TMC5: variants seen among roughly 807,000 people sequenced by gnomAD.
The protein encoded by TMC5 is transmembrane channel like 5.
In TMC5, 86 loss-of-function variants were observed where a neutral mutation model predicts 110.5. The ratio of observed to expected loss-of-function variants is 0.78; its 90% CI spans 0.65 to 0.93. The LOEUF (loss-of-function observed/expected upper bound fraction) is 0.93, where lower values mean the gene tolerates loss of function less well. Among genes scored for constraint, TMC5 ranks in the 40% least tolerant of loss-of-function variants. TMC5 has a pLI of 0.00. For synonymous variants in TMC5, 455 were observed against 439.5 expected, an observed-to-expected ratio of 1.04 and a Z score of -0.44; for missense variants, 1,144 against 1,222.8, an observed-to-expected ratio of 0.94 and a Z score of 0.96.
At chr16:19,421,670 C>T (rs1443980038) in intron 1 of TMC5, among the ~76,000 whole-genome samples, 2 of 152,228 alleles carry the variant, frequency 1.3e-5, no homozygotes, top group Admixed American at 6.5e-5. Flanking sequence ...CACCCTAGTC[C>T]TGGCCCTGCT....
intron 17 of TMC5, among the ~76,000 whole-genome samples, chr16:19,488,981 C>A (rs983037000): frequency 6.6e-6 from 1 of 152,204 alleles, no homozygotes; most frequent in Non-Finnish European, 1.5e-5. Context: ...CTGGGGCTCT[C>A]AGTTCCTTGC....
Position 19,469,353 on chromosome 16 carries a change from TAA to T in TMC5, c.1638-312_1638-311del, listed in dbSNP as rs11333063. Among the ~76,000 whole-genome samples, 311 of 141,210 alleles carry T rather than the reference TAA, an allele frequency of 2.2e-3. 5 individuals are homozygous for T. The highest frequency in any genetic ancestry group is 0.016 in the South Asian group (72 of 4,482). 92.6% of individuals were successfully genotyped at this position (141,210 alleles called of 152,430 possible). A position where few individuals can be genotyped will look rare whatever the true frequency, so the allele number is the denominator to read the frequency against. On this transcript the variant is annotated intron_variant, in intron 9 of 21. Coordinates refer to ENST00000542583, the MANE Select transcript of TMC5 (RefSeq NM_001261841.2). ...TGGGAGACAAGAGTGAAACTCTGTCTAAAAAAAAAAAAAAAAATTCTGTGAGG... is the reference window on the plus strand; with the variant it reads ...TGGGAGACAAGAGTGAAACTCTGTCTAAAAAAAAAAAAAAATTCTGTGAGG...
chr16:19,493,455 C>CTCTCTCTT lies in TMC5; in HGVS notation c.2827-800_2827-799insTTCTCTCT, dbSNP rs1450469305. On this transcript the variant is annotated intron_variant, in intron 19 of 21. Coordinates refer to ENST00000542583, the MANE Select transcript of TMC5 (RefSeq NM_001261841.2). ...TTGCATTTGGTTAATGTCTCTCTCT[C>CTCTCTCTT]TCTCTCTCTCTTTTTTTTTTTTTGA... Among the ~76,000 whole-genome samples the CTCTCTCTT allele has an allele frequency of 1.1e-4, 5 of 43,714 alleles. No homozygotes were observed. The East Asian group carries it at 3.6e-3, about 31-fold the overall frequency. 28.7% of individuals were successfully genotyped at this position (43,714 alleles called of 152,430 possible). A position where few individuals can be genotyped will look rare whatever the true frequency, so the allele number is the denominator to read the frequency against.
upstream of TMC5, among the ~76,000 whole-genome samples, chr16:19,414,085 A>G (rs1966865136): frequency 6.6e-6 from 1 of 152,238 alleles, no homozygotes; most frequent in Non-Finnish European, 1.5e-5. Flanking sequence ...CCAATGACAT[A>G]GAACTATCCT....
At chr16:19,449,927 G>A (rs1967712229) in intron 5 of TMC5, among the ~76,000 whole-genome samples, 1 of 152,144 alleles carries the variant, frequency 6.6e-6, no homozygotes, top group Non-Finnish European at 1.5e-5. Context: ...GGAACTGTAA[G>A]ACAATTAAAC....
chr16:19,454,177 A>T (rs1967814024), intron 5 of TMC5, among the ~76,000 whole-genome samples: 2 of 152,128 alleles, frequency 1.3e-5, no homozygotes, highest in Admixed American at 1.3e-4. Context: ...CCTCCCAAGC[A>T]GTTGGGATTA....
rs534267357 is a variant in TMC5 at position 19,448,080 on chromosome 16, C to T, written c.959-1462C>T. Among the ~76,000 whole-genome samples, 22 of 148,928 alleles carry T rather than the reference C, an allele frequency of 1.5e-4. No individual in the cohort carries two copies. The South Asian group carries it at 3.6e-3, about 25-fold the overall frequency. On this transcript the variant is annotated intron_variant, in intron 4 of 21. Transcript: ENST00000542583. ...CTGAGGCTGGAGAATCACTTGAACC[C>T]GGGAGGCAGAGGTTGCAGTGAGCCG...
intron 1 of TMC5, among the ~76,000 whole-genome samples, chr16:19,427,186 G>T (rs928696455): frequency 2.6e-5 from 4 of 152,180 alleles, no homozygotes; most frequent in Admixed American, 1.3e-4. Context: ...GGGCACAATG[G>T]CTCACACCTG....
At chr16:19,463,197 G>A (rs1968072469) in intron 6 of TMC5, 83 bp from the exon 7 acceptor site, 1 of 1,071,076 alleles carries the variant, frequency 9.3e-7, no homozygotes. Context: ...TGGGATTACA[G>A]GCATGAGCCA....
At chr16:19,480,804 C>CAAAAA (rs34237812) in intron 14 of TMC5, among the ~76,000 whole-genome samples, 2 of 75,238 alleles carry the variant, frequency 2.7e-5, no homozygotes, top group African/African-American at 4.1e-5. Flanking sequence ...GACTCCATCT[C>CAAAAA]AAAAAAAAAA....
intron 2 of TMC5, among the ~76,000 whole-genome samples, chr16:19,439,440 C>A (rs187934028): frequency 6.6e-6 from 1 of 152,158 alleles, no homozygotes; most frequent in South Asian, 2.1e-4. Context: ...TCCCCTCCCC[C>A]ATAACCAAGG....
chr16:19,471,085 A>ATT (rs57901281), intron 10 of TMC5, among the ~76,000 whole-genome samples: 210 of 148,074 alleles, frequency 1.4e-3, no homozygotes, highest in East Asian at 5.3e-3. Flanking sequence ...GGGGCTTTAA[A>ATT]TTTTTTTTTT....
At chr16:19,473,935 G>A (rs948745553) in intron 11 of TMC5, among the ~76,000 whole-genome samples, 190 bp from the exon 12 acceptor site, 5 of 152,102 alleles carry the variant, frequency 3.3e-5, no homozygotes, top group African/African-American at 4.8e-5. Flanking sequence ...AGCTGAGATC[G>A]CGCCACTGCA....
intron 2 of TMC5, among the ~76,000 whole-genome samples, chr16:19,435,522 A>G (rs1219127064): frequency 1.3e-5 from 2 of 152,068 alleles, no homozygotes; most frequent in African/African-American, 4.8e-5. Flanking sequence ...AAAAAAATTT[A>G]GAAATATGTA....
At position 19,444,220 on chromosome 16, in the gene TMC5, T is replaced by A; in HGVS notation, c.928T>A (p.Ser310Thr). ...SMEMANSYGH[S>T]LPGAPGSGYV... ...GGAGATGGCAAACTCATATGGCCAC[T>A]CTCTGCCAGGTGCTCCTGGAAGTGG... The change falls in exon 4 of 22, where the codon TCT becomes ACT. Residue 310 changes from serine (S) to threonine (T), a missense_variant. Transcript: ENST00000542583. 6.2e-7 allele frequency: 1 copy of A among 1,613,920 alleles called. No homozygotes were observed. Among genetic ancestry groups the A allele is most frequent in the Non-Finnish European group, 8.5e-7 (1 of 1,180,010 alleles).
At position 19,439,974 on chromosome 16, in the gene TMC5, A is replaced by T; in HGVS notation, c.-65A>T. The T allele has an allele frequency of 7.5e-7, 1 of 1,331,584 alleles. No individual in the cohort carries two copies. Among genetic ancestry groups the T allele is most frequent in the Non-Finnish European group, 1.0e-6 (1 of 969,760 alleles). 82.5% of individuals were successfully genotyped at this position (1,331,584 alleles called of 1,614,324 possible). A position where few individuals can be genotyped will look rare whatever the true frequency, so the allele number is the denominator to read the frequency against. ...TTGTTTTTCAGGTGAAAAAAAAAAA[A>T]GATCCCTGAGTAATTGCAAATGCTG... On this transcript the variant is annotated 5_prime_UTR_variant, in exon 3 of 22. The change creates a new upstream start codon in the 5' untranslated region. Transcript: ENST00000542583.
chr16:19,482,701 C>T (rs13338968), intron 15 of TMC5, among the ~76,000 whole-genome samples: 7,832 of 152,130 alleles, frequency 0.051, 362 homozygotes, highest in African/African-American at 0.13. Flanking sequence ...ATATTTGATA[C>T]ACCATTTGGT....
Position 19,440,465 on chromosome 16 carries a change from A to C in TMC5, c.427A>C (p.Ser143Arg), listed in dbSNP as rs758111222. Residue 143 changes from serine to arginine, a missense_variant, in exon 3 of 22, where the codon AGT becomes CGT. By Grantham distance (110) the Ser-to-Arg change is moderately radical (BLOSUM62 -1). Coordinates refer to ENST00000542583, the MANE Select transcript of TMC5 (RefSeq NM_001261841.2). The part of the protein sequence containing the change: ...RNPDFAGSSS[S>R]GNYAGSRTHP... ...TCCTGATTTTGCAGGCTCCAGCAGCAGTGGAAACTATGCAGGCTCCAGAAC... is the reference window on the plus strand; with the variant it reads ...TCCTGATTTTGCAGGCTCCAGCAGCCGTGGAAACTATGCAGGCTCCAGAAC... The C allele has an allele frequency of 6.2e-7, 1 of 1,614,126 alleles. No individual in the cohort carries two copies. Among genetic ancestry groups the C allele is most frequent in the Non-Finnish European group, 8.5e-7 (1 of 1,180,024 alleles).
chr16:19,497,832 T>C, intron 21 of TMC5, 88 bp from the exon 22 acceptor site: 2 of 1,199,950 alleles, frequency 1.7e-6, no homozygotes, highest in Admixed American at 2.1e-5. Flanking sequence ...TGAGAAGCTA[T>C]GGAATCTTGA....
Sources: gnomAD v4.1 joint callset for allele counts (sites outside exome capture counted in the v4.1 genomes callset) on GRCh38, gnomAD v4.1.1 for gene constraint, MANE v1.5 for transcripts, NCBI Gene and HGNC (gene_info 2026-07-23, HGNC 2026-07-21) for gene names.